Variants in AGBL1 observed in about 807,000 individuals in gnomAD.
AGBL1 encodes cytosolic carboxypeptidase 4.
Under a neutral mutation model 118.9 loss-of-function variants are expected in AGBL1, and 130 were observed. That is an observed-to-expected ratio of 1.09 (90% CI 0.95 to 1.26). AGBL1 has a LOEUF of 1.26. Ranked by LOEUF, AGBL1 falls within the 50% of genes most tolerant of loss-of-function variation. The pLI is 0.00. For missense variants in AGBL1, 1,584 were observed against 1,298.1 expected (o/e 1.22, Z -3.38); for synonymous variants, 555 against 478.9 (o/e 1.16, Z -2.08).
intron 1 of AGBL1, chr15:86,109,884 G>C (rs1396505279): frequency 6.6e-6 from 1 of 152,190 alleles, no homozygotes; most frequent in East Asian, 1.9e-4. Context: ...GCTATAATCA[G>C]ATGGCTAGCA....
chr15:86,112,366 C>T (rs1400254851), intron 1 of AGBL1, among the ~76,000 whole-genome samples: 1 of 152,110 alleles, frequency 6.6e-6, no homozygotes, highest in South Asian at 2.1e-4. Context: ...AAACAAAAAA[C>T]GACATGCTAC....
Position 86,691,714 on chromosome 15 carries a change from C to T in AGBL1, c.3158+17278C>T, listed in dbSNP as rs150781376. On this transcript the variant is annotated intron_variant, in intron 22 of 22. Coordinates refer to ENST00000614907, the MANE Select transcript of AGBL1 (RefSeq NM_001386094.1). The stretch of plus-strand genomic sequence containing the variant: ...ATGATAAAGTTTTACTATATTAAAC[C>T]GATTTGCTCCTTTTCTTTTCCCATC... Among the ~76,000 whole-genome samples the T allele has an allele frequency of 2.0e-3, 310 of 152,148 alleles. 1 individual carries two copies. The highest frequency in any genetic ancestry group is 3.3e-3 in the Non-Finnish European group (222 of 67,990).
intron 23 of AGBL1, among the ~76,000 whole-genome samples, chr15:86,940,563 A>T (rs1292698208): frequency 6.6e-6 from 1 of 152,186 alleles, no homozygotes; most frequent in East Asian, 1.9e-4. Flanking sequence ...TTATAGAAGG[A>T]AATTGTTACA....
rs116960181 is a variant in AGBL1 at position 86,691,936 on chromosome 15, T to G, written c.3158+17500T>G. Among the ~76,000 whole-genome samples, 269 of 152,160 alleles carry G rather than the reference T, an allele frequency of 1.8e-3. 4 individuals are homozygous for G. The East Asian group carries it at 0.022, about 13-fold the overall frequency. The stretch of plus-strand genomic sequence containing the variant: ...TAACCTTTAAGGTGGTTCTTAAAAA[T>G]AATTTTATTATTAAGAAGTTGAATC... On this transcript the variant is annotated intron_variant, in intron 22 of 22. Transcript: ENST00000614907.
At chr15:86,205,982 C>T (rs115290058) in intron 5 of AGBL1, among the ~76,000 whole-genome samples, 2,805 of 152,206 alleles carry the variant, frequency 0.018, 87 homozygotes, top group African/African-American at 0.065. Flanking sequence ...TCCCCCTGCC[C>T]GCTACCCCAC....
intron 1 of AGBL1, among the ~76,000 whole-genome samples, chr15:86,085,011 G>C (rs553652140): frequency 6.6e-6 from 1 of 152,266 alleles, no homozygotes; most frequent in East Asian, 1.9e-4. Context: ...AAGCATATTG[G>C]TACATGCCCA....
chr15:87,017,817 T>G (rs1055991819), intron 24 of AGBL1, among the ~76,000 whole-genome samples: 5 of 152,044 alleles, frequency 3.3e-5, no homozygotes. Context: ...TTGACAGAAG[T>G]AGGCTTCAGA....
chr15:86,293,930 G>A (rs1315807489), intron 16 of AGBL1, among the ~76,000 whole-genome samples: 2 of 152,086 alleles, frequency 1.3e-5, no homozygotes, highest in East Asian at 1.9e-4. Flanking sequence ...TAAGCTGGGA[G>A]GATAATTTTT....
At chr15:86,628,997 G>C (rs2084927800) in intron 21 of AGBL1, among the ~76,000 whole-genome samples, 1 of 152,014 alleles carries the variant, frequency 6.6e-6, no homozygotes, top group Admixed American at 6.6e-5. Context: ...TATCTGATGA[G>C]AACACTTAAG....
chr15:86,364,998 C>CAT (rs71468173), intron 17 of AGBL1, among the ~76,000 whole-genome samples: 10,434 of 121,050 alleles, frequency 0.086, 1,178 homozygotes, highest in Middle Eastern at 0.13. Context: ...TACACACACA[C>CAT]ATATATATAT....
At chr15:86,892,585 A>T (rs2080067358) in intron 22 of AGBL1, among the ~76,000 whole-genome samples, 1 of 152,082 alleles carries the variant, frequency 6.6e-6, no homozygotes, top group African/African-American at 2.4e-5. Context: ...AGTAGGATTG[A>T]TAAGATCTAC....
chr15:86,922,087 T>G (rs928517408), intron 23 of AGBL1, among the ~76,000 whole-genome samples: 9 of 152,152 alleles, frequency 5.9e-5, no homozygotes, highest in African/African-American at 1.7e-4. Flanking sequence ...TGTAGGAGGA[T>G]GAAGATATAT....
intron 17 of AGBL1, among the ~76,000 whole-genome samples, chr15:86,338,598 G>A (rs906654439): frequency 1.3e-5 from 2 of 152,162 alleles, no homozygotes; most frequent in Non-Finnish European, 2.9e-5. Flanking sequence ...GAACCACAAA[G>A]GTAGGGGGGT....
rs529103599 is a variant in AGBL1, at chr15:86,409,105, T to G, written c.2555+11559T>G. 1.6e-3 allele frequency among the ~76,000 whole-genome samples: 246 copies of G among 152,324 alleles called. 1 individual carries two copies. Among genetic ancestry groups the G allele is most frequent in the African/African-American group, 5.7e-3 (237 of 41,568 alleles). On this transcript the variant is annotated intron_variant, in intron 18 of 22. Transcript: ENST00000614907. ...TTCCTGCCTGGCAAATGCCTGTCAGTAATTCCCAAATCATGGTCTGTAGAG... is the reference window on the plus strand; with the variant it reads ...TTCCTGCCTGGCAAATGCCTGTCAGGAATTCCCAAATCATGGTCTGTAGAG...
At chr15:86,958,121 T>C (rs2080951013) in intron 23 of AGBL1, among the ~76,000 whole-genome samples, 1 of 151,388 alleles carries the variant, frequency 6.6e-6, no homozygotes. Context: ...AGGAGAATTG[T>C]TGGAGCTAAA....
At chr15:86,996,993 A>T (rs976836847) in intron 24 of AGBL1, among the ~76,000 whole-genome samples, 3 of 152,164 alleles carry the variant, frequency 2.0e-5, no homozygotes, top group Non-Finnish European at 4.4e-5. Flanking sequence ...TAGAATCATA[A>T]CCATCTTTAT....
chr15:86,521,645 G>C (rs1054590089), intron 18 of AGBL1, among the ~76,000 whole-genome samples: 1 of 152,150 alleles, frequency 6.6e-6, no homozygotes, highest in Non-Finnish European at 1.5e-5. Context: ...TGAAGATGGA[G>C]GAGCCCCAGC....
chr15:86,347,077 A>G (rs1383751102), intron 17 of AGBL1, among the ~76,000 whole-genome samples: 1 of 152,222 alleles, frequency 6.6e-6, no homozygotes, highest in Non-Finnish European at 1.5e-5. Context: ...TAAAAGGTAT[A>G]TATTAATGAC....
downstream of AGBL1, among the ~76,000 whole-genome samples, chr15:86,920,854 T>C (rs2080475576): frequency 6.6e-6 from 1 of 152,216 alleles, no homozygotes; most frequent in African/African-American, 2.4e-5. Flanking sequence ...CATAGTTTTT[T>C]TCCTTCATTT....
Sources: allele counts gnomAD v4.1 joint callset (sites outside exome capture counted in the v4.1 genomes callset), GRCh38; gene constraint gnomAD v4.1.1; transcripts MANE v1.5; gene names NCBI Gene and HGNC (gene_info 2026-07-23, HGNC 2026-07-21).